ATRNL1: variants seen among roughly 807,000 people sequenced by gnomAD.
ATRNL1 encodes the protein attractin like 1.
In ATRNL1, 95 loss-of-function variants were observed where a neutral mutation model predicts 182.7. That is an observed-to-expected ratio of 0.52 (90% confidence interval 0.44 to 0.62). ATRNL1 has a LOEUF of 0.62. Ranked by LOEUF, ATRNL1 falls within the 20% of genes least tolerant of loss-of-function variation. The pLI, the probability that ATRNL1 is intolerant of heterozygous loss-of-function variation, is 0.00. For synonymous variants in ATRNL1, 576 were observed against 568.3 expected (o/e 1.01, Z -0.19); for missense variants, 1,471 against 1,679.5 (o/e 0.88, Z 2.17).
At chr10:115,525,388 T>C (rs1202823156) in intron 25 of ATRNL1, among the ~76,000 whole-genome samples, 1 of 152,214 alleles carries the variant, frequency 6.6e-6, no homozygotes, top group Non-Finnish European at 1.5e-5. Flanking sequence ...GTCTATTACA[T>C]TGGGTCTCCA....
At chr10:115,793,007 C>G (rs185500071) in intron 27 of ATRNL1, among the ~76,000 whole-genome samples, 4 of 151,896 alleles carry the variant, frequency 2.6e-5, no homozygotes, top group Admixed American at 2.6e-4. Context: ...TACAAATATA[C>G]AAATGATTTT....
At chr10:115,810,049 G>C (rs1438026796) in intron 27 of ATRNL1, among the ~76,000 whole-genome samples, 2 of 151,768 alleles carry the variant, frequency 1.3e-5, no homozygotes, top group African/African-American at 4.8e-5. Context: ...AGAAAATCTT[G>C]TGGATTTTAC....
At chr10:115,581,118 GCA>G (rs1460663950) in intron 26 of ATRNL1, among the ~76,000 whole-genome samples, 1 of 152,050 alleles carries the variant, frequency 6.6e-6, no homozygotes, top group Non-Finnish European at 1.5e-5. Context: ...GTTGGTTTCT[GCA>G]CAGTCTGTAA....
At chr10:115,577,415 T>C (rs1251542673) in intron 26 of ATRNL1, among the ~76,000 whole-genome samples, 9 of 151,824 alleles carry the variant, frequency 5.9e-5, no homozygotes, top group African/African-American at 2.2e-4. Flanking sequence ...TATTTTATAG[T>C]TTTTATTGCT....
At chr10:115,425,325 G>A (rs868942407) in intron 20 of ATRNL1, among the ~76,000 whole-genome samples, 1 of 127,990 alleles carries the variant, frequency 7.8e-6, no homozygotes, top group Middle Eastern at 3.8e-3. Context: ...TATAAAATAT[G>A]TATGTAATAA....
chr10:115,486,841 G>C (rs1162727965), intron 24 of ATRNL1, among the ~76,000 whole-genome samples: 2 of 152,050 alleles, frequency 1.3e-5, no homozygotes, highest in Non-Finnish European at 2.9e-5. Context: ...GTATTGCCCA[G>C]GTTTTCTTCT....
chr10:115,499,856 A>G (rs1554979556), intron 24 of ATRNL1, among the ~76,000 whole-genome samples: 2 of 152,184 alleles, frequency 1.3e-5, no homozygotes, highest in Non-Finnish European at 2.9e-5. Context: ...ATTTGGAGGC[A>G]TCAAGGTTTA....
chr10:115,943,423 C>T (rs1555124730), intron 28 of ATRNL1, among the ~76,000 whole-genome samples: 1 of 152,140 alleles, frequency 6.6e-6, no homozygotes, highest in Non-Finnish European at 1.5e-5. Flanking sequence ...TCAAGAGGTG[C>T]TCAGCATCAT....
chr10:115,852,737 G>C (rs756497), intron 28 of ATRNL1, among the ~76,000 whole-genome samples: 1 of 151,948 alleles, frequency 6.6e-6, no homozygotes, highest in African/African-American at 2.4e-5. Flanking sequence ...TTTAAATCCA[G>C]AGTCAAGGAG....
chr10:115,766,812 A>G (rs141531342), intron 27 of ATRNL1, among the ~76,000 whole-genome samples: 12 of 152,304 alleles, frequency 7.9e-5, no homozygotes, highest in Admixed American at 5.2e-4. Context: ...AATCTTCTCT[A>G]GAATTATATC....
intron 28 of ATRNL1, among the ~76,000 whole-genome samples, chr10:115,906,994 G>C (rs188555587): frequency 5.3e-5 from 8 of 152,210 alleles, no homozygotes; most frequent in Non-Finnish European, 1.2e-4. Context: ...TGCTGAAAGA[G>C]TTTTAGATTT....
At chr10:115,597,226 G>T (rs1856300594) in intron 26 of ATRNL1, among the ~76,000 whole-genome samples, 1 of 152,002 alleles carries the variant, frequency 6.6e-6, no homozygotes, top group African/African-American at 2.4e-5. Context: ...ATGATTTGAG[G>T]CTCTAGTGAA....
In ATRNL1 at chr10:115,292,824, A is replaced by G. The variant is rs575251275; in HGVS notation, c.2415+6427A>G. Among the ~76,000 whole-genome samples the G allele has an allele frequency of 4.6e-5, 7 of 152,204 alleles. No homozygotes were observed. In the South Asian group the frequency reaches 1.5e-3, roughly 32 times the overall value. ...AATGTTCCACATGCTGATGAAAAGTATGTGTATTCTTCAGTACAGTGTTCT... is the reference window on the plus strand; with the variant it reads ...AATGTTCCACATGCTGATGAAAAGTGTGTGTATTCTTCAGTACAGTGTTCT... On this transcript the variant is annotated intron_variant, in intron 15 of 28. Coordinates refer to ENST00000355044, the MANE Select transcript of ATRNL1 (RefSeq NM_207303.4).
chr10:115,531,802 T>C (rs1244579272), intron 25 of ATRNL1, among the ~76,000 whole-genome samples: 27 of 147,722 alleles, frequency 1.8e-4, no homozygotes, highest in Non-Finnish European at 1.2e-4. Context: ...AATTAATTTT[T>C]GTATAAGGTG....
intron 26 of ATRNL1, among the ~76,000 whole-genome samples, chr10:115,616,329 G>A (rs1034143319): frequency 1.3e-5 from 2 of 152,192 alleles, no homozygotes; most frequent in East Asian, 3.9e-4. Context: ...TGATACGCAT[G>A]AGCAAAGAAA....
chr10:115,426,082 A>T (rs1440382786), intron 20 of ATRNL1, among the ~76,000 whole-genome samples, 168 bp from the exon 21 acceptor site: 1 of 152,040 alleles, frequency 6.6e-6, no homozygotes, highest in African/African-American at 2.4e-5. Context: ...TCTACAATTA[A>T]TTCAAATTTC....
intron 6 of ATRNL1, among the ~76,000 whole-genome samples, chr10:115,165,005 T>C (rs1846973098): frequency 1.3e-5 from 2 of 152,090 alleles, no homozygotes; most frequent in Admixed American, 1.3e-4. Flanking sequence ...AAGAGATAAG[T>C]GTTTGAGGTA....
intron 28 of ATRNL1, among the ~76,000 whole-genome samples, chr10:115,921,812 G>A (rs782562670): frequency 6.6e-6 from 1 of 152,042 alleles, no homozygotes; most frequent in African/African-American, 2.4e-5. Flanking sequence ...TTTTACATGG[G>A]ATTATCCCAA....
intron 25 of ATRNL1, among the ~76,000 whole-genome samples, chr10:115,519,650 A>T (rs193183254): frequency 6.6e-6 from 1 of 152,318 alleles, no homozygotes; most frequent in East Asian, 1.9e-4. Flanking sequence ...GATTAGTTAC[A>T]TCTACAAGAA....
Sources: gnomAD v4.1 joint callset for allele counts (sites outside exome capture counted in the v4.1 genomes callset) on GRCh38, gnomAD v4.1.1 for gene constraint, MANE v1.5 for transcripts, NCBI Gene and HGNC (gene_info 2026-07-23, HGNC 2026-07-21) for gene names.